H6PD: variants seen among roughly 807,000 people sequenced by gnomAD.
The protein encoded by H6PD is GDH/6PGL endoplasmic bifunctional protein.
A neutral mutation model predicts 61.2 loss-of-function variants in H6PD; 48 were observed. That is an observed-to-expected ratio of 0.78 (90% CI 0.62 to 1.00). The LOEUF is 1.00. Ranked by LOEUF, H6PD falls within the 50% of genes least tolerant of loss-of-function variation. H6PD has a pLI of 0.00. For synonymous variants in H6PD, 480 were observed against 457.9 expected, an observed-to-expected ratio of 1.05 and a Z score of -0.62; for missense variants, 1,093 against 1,065.0, an observed-to-expected ratio of 1.03 and a Z score of -0.37.
At position 9,262,230 on chromosome 1, in the gene H6PD, G is replaced by T. The variant is rs144259245; in HGVS notation, c.917G>T (p.Gly306Val). ...CAGGCGCTGCGGGGCCTGCAGAGGGGCAGTGCCGTCGTGGGCCAGTACCAG... is the reference window on the plus strand; with the variant it reads ...CAGGCGCTGCGGGGCCTGCAGAGGGTCAGTGCCGTCGTGGGCCAGTACCAG... ...VFQALRGLQR[G>V]SAVVGQYQSY... Residue 306 changes from glycine to valine, a missense_variant, in exon 4 of 5, where the codon GGC (glycine) becomes GTC (valine). By Grantham distance (109) the Gly-to-Val change is moderately radical. Coordinates refer to ENST00000377403, the MANE Select transcript of H6PD (RefSeq NM_004285.4). The T allele has an allele frequency of 1.2e-6, 2 of 1,613,698 alleles. No individual in the cohort carries two copies. The highest frequency in any genetic ancestry group is 4.5e-5 in the East Asian group (2 of 44,872).
Position 9,264,378 on chromosome 1 carries a change from C to T in H6PD, c.1885C>T (p.Pro629Ser), listed in dbSNP as rs1452507561. ...CGAGCGCTGCGTCCCACTCTCAGAC[C>T]CGGAGTCCAACTTCCAGGGCCTGCA... ...VDERCVPLSD[P>S]ESNFQGLQAH... The change falls in exon 5 of 5, where the codon CCG becomes TCG. Residue 629 changes from proline to serine, a missense_variant. Pro to Ser is a moderately conservative substitution (Grantham distance 74). Coordinates refer to ENST00000377403, the MANE Select transcript of H6PD (RefSeq NM_004285.4). The T allele has an allele frequency of 1.9e-6, 3 of 1,612,896 alleles. No individual in the cohort carries two copies. Among genetic ancestry groups the T allele is most frequent in the East Asian group, 2.2e-5 (1 of 44,884 alleles).
At chr1:9,248,229 G>T (rs1018474725) in intron 3 of H6PD, among the ~76,000 whole-genome samples, 4 of 152,266 alleles carry the variant, frequency 2.6e-5, no homozygotes, top group Non-Finnish European at 4.4e-5. Flanking sequence ...CCAGAGCCCT[G>T]GACCCAGGGA....
chr1:9,247,286 G>A (rs1051991208), intron 3 of H6PD, among the ~76,000 whole-genome samples: 4 of 152,188 alleles, frequency 2.6e-5, no homozygotes, highest in East Asian at 1.9e-4. Flanking sequence ...CATGAGGAGC[G>A]TATGGTCCAG....
chr1:9,260,440 G>A (rs375167014), intron 3 of H6PD, among the ~76,000 whole-genome samples: 1 of 151,830 alleles, frequency 6.6e-6, no homozygotes, highest in South Asian at 2.1e-4. Context: ...TTGTTTTGTT[G>A]TTGTTATGCT....
At chr1:9,239,312 G>A (rs1353911100) in intron 1 of H6PD, among the ~76,000 whole-genome samples, 1 of 152,140 alleles carries the variant, frequency 6.6e-6, no homozygotes, top group Admixed American at 6.5e-5. Context: ...CTCCCAAAGT[G>A]CTGGGATTAC....
chr1:9,241,733 G>A (rs529066193), intron 1 of H6PD, among the ~76,000 whole-genome samples: 1 of 152,286 alleles, frequency 6.6e-6, no homozygotes, highest in East Asian at 1.9e-4. Flanking sequence ...ACGAAGTTAG[G>A]CAGTGGTCTT....
chr1:9,247,109 G>A, intron 3 of H6PD, 26 bp downstream of exon 3: 1 of 1,443,454 alleles, frequency 6.9e-7, no homozygotes, highest in Non-Finnish European at 9.8e-7. Flanking sequence ...TGCGCACTCG[G>A]TCCCCCAGCC....
rs763161887 is a variant in H6PD at position 9,240,301 on chromosome 1, C to T, written c.-10-4624C>T. 1.1e-4 allele frequency among the ~76,000 whole-genome samples: 16 copies of T among 152,286 alleles called. No homozygotes were observed. In the East Asian group the frequency reaches 2.7e-3, roughly 26 times the overall value. On this transcript the variant is annotated intron_variant, in intron 1 of 4. Coordinates refer to ENST00000377403, the MANE Select transcript of H6PD (RefSeq NM_004285.4). ...AGTTTTTGTCTTAACTGCTGAATGA[C>T]GCACAGTTCTCAGCTCTTGGCTTCA...
chr1:9,242,763 C>G (rs1000219785), intron 1 of H6PD: 1 of 985,470 alleles, frequency 1.0e-6, no homozygotes, highest in South Asian at 4.7e-5. Context: ...ATCCGATCAG[C>G]AGCTCTGAAG....
intron 3 of H6PD, among the ~76,000 whole-genome samples, chr1:9,259,268 G>A (rs1390685322): frequency 1.3e-5 from 2 of 152,196 alleles, no homozygotes; most frequent in South Asian, 2.1e-4. Context: ...GATTATGGGC[G>A]TGAGCCACCA....
At chr1:9,250,769 A>G (rs1183977511) in intron 3 of H6PD, among the ~76,000 whole-genome samples, 5 of 152,156 alleles carry the variant, frequency 3.3e-5, no homozygotes, top group African/African-American at 1.2e-4. Context: ...AGGCCCCGGG[A>G]AAGGGACTTC....
At chr1:9,244,482 G>T (rs949356934) in intron 1 of H6PD, among the ~76,000 whole-genome samples, 2 of 152,166 alleles carry the variant, frequency 1.3e-5, no homozygotes, top group African/African-American at 2.4e-5. Flanking sequence ...AGGTGGTCCT[G>T]CCCTCTCACT....
Position 9,263,542 on chromosome 1 carries a change from A to T in H6PD, c.1049A>T (p.Glu350Val). ...VLVHIDNLRW[E>V]GVPFILMSGK... Reference sequence around the variant, plus strand: ...GTGCACATTGACAACCTTCGCTGGGAGGGCGTGCCTTTCATCCTGATGTCT... The same window carrying T: ...GTGCACATTGACAACCTTCGCTGGGTGGGCGTGCCTTTCATCCTGATGTCT... The change falls in exon 5 of 5, where the codon GAG (glutamate) becomes GTG (valine). Residue 350 changes from glutamate (E) to valine (V), a missense_variant. By Grantham distance (121) the Glu-to-Val change is moderately radical. Coordinates refer to ENST00000377403, the MANE Select transcript of H6PD (RefSeq NM_004285.4). 6.2e-7 allele frequency: 1 copy of T among 1,614,182 alleles called. No homozygotes were observed. Among genetic ancestry groups the T allele is most frequent in the Non-Finnish European group, 8.5e-7 (1 of 1,180,014 alleles).
At position 9,264,950 on chromosome 1, in the gene H6PD, G is replaced by A; in HGVS notation, c.*81G>A. 6.8e-7 allele frequency: 1 copy of A among 1,464,750 alleles called. No individual in the cohort carries two copies. Among genetic ancestry groups the A allele is most frequent in the Non-Finnish European group, 9.4e-7 (1 of 1,064,530 alleles). 90.7% of individuals were successfully genotyped at this position (1,464,750 alleles called of 1,614,324 possible). On this transcript the variant is annotated 3_prime_UTR_variant, in exon 5 of 5. Transcript: ENST00000377403. ...CCCTCCCTTCTCGGCCCCGCCACCT[G>A]CCCAGCGTGCCCTGGCTCTCCAGAA...
In H6PD at chr1:9,247,070, C is replaced by A. The variant is rs118005430; in HGVS notation, c.732C>A (p.Thr244=). The A allele has an allele frequency of 8.6e-4, 1,379 of 1,608,546 alleles. 15 individuals are homozygous for A. The East Asian group carries it at 0.016, about 18-fold the overall frequency. The change falls in exon 3 of 5, where the codon ACC becomes ACA. Residue 244 remains threonine, a synonymous_variant. Coordinates refer to ENST00000377403, the MANE Select transcript of H6PD (RefSeq NM_004285.4). ...VERVEIIMKE[T]VDAEGRTSFY... is the part of the protein sequence containing the mutation. ...GGGTGGAGATCATCATGAAAGAGAC[C>A]GTGGATGCTGAAGGTGTGTGAGTGG...
At chr1:9,249,696 G>A (rs1008264941) in intron 3 of H6PD, among the ~76,000 whole-genome samples, 3 of 152,330 alleles carry the variant, frequency 2.0e-5, no homozygotes, top group East Asian at 1.9e-4. Flanking sequence ...AGCCTGTCGC[G>A]GTGAGACCAG....
chr1:9,247,682 G>A (rs1641226808), intron 3 of H6PD, among the ~76,000 whole-genome samples: 1 of 152,070 alleles, frequency 6.6e-6, no homozygotes, highest in African/African-American at 2.4e-5. Flanking sequence ...CGCCTCTCCC[G>A]CACTGCCACA....
intron 1 of H6PD, among the ~76,000 whole-genome samples, chr1:9,244,110 T>C (rs1230338884): frequency 6.6e-6 from 1 of 152,172 alleles, no homozygotes; most frequent in Non-Finnish European, 1.5e-5. Flanking sequence ...TTCATTGAGC[T>C]CTAATACACA....
At chr1:9,238,659 G>A (rs1486252509) in intron 1 of H6PD, among the ~76,000 whole-genome samples, 1 of 152,244 alleles carries the variant, frequency 6.6e-6, no homozygotes, top group Non-Finnish European at 1.5e-5. Context: ...GATTGGGAGA[G>A]AAATCAGTTC....
Sources: gnomAD v4.1 joint callset for allele counts (sites outside exome capture counted in the v4.1 genomes callset) on GRCh38, gnomAD v4.1.1 for gene constraint, MANE v1.5 for transcripts, NCBI Gene and HGNC (gene_info 2026-07-23, HGNC 2026-07-21) for gene names.